Variants in SLC26A9 observed in about 807,000 individuals in gnomAD.
The protein encoded by SLC26A9 is solute carrier family 26 member 9.
SLC26A9 carries 46 observed loss-of-function variants against 87.1 expected under a neutral mutation model. The observed-to-expected ratio is 0.53, with a 90% CI of 0.42 to 0.67. SLC26A9 has a LOEUF of 0.67. Ranked by LOEUF, SLC26A9 falls within the 30% of genes least tolerant of loss-of-function variation. The probability of loss-of-function intolerance (pLI) is 0.00; values close to 1 mark genes in which losing one functional copy is unlikely to be tolerated. For missense variants in SLC26A9, 927 were observed against 1,018.3 expected, an observed-to-expected ratio of 0.91 and a Z score of 1.22; for synonymous variants, 437 against 409.1, an observed-to-expected ratio of 1.07 and a Z score of -0.82.
chr1:205,927,642 G>T, intron 9 of SLC26A9, 37 bp from the exon 10 acceptor site: 5 of 1,588,520 alleles, frequency 3.1e-6, no homozygotes, highest in East Asian at 4.5e-5. Context: ...CCAGTGTGGG[G>T]CTGGGGGGCA....
At position 205,927,517 on chromosome 1, in the gene SLC26A9, A is replaced by G. The variant is rs759699978; in HGVS notation, c.1190T>C (p.Val397Ala). ...CTGGGATTTTCCTCCAGCTCCATCCACAGCCAGAGTGACAGAAAGCGCACA... is the reference window on the plus strand; with the variant it reads ...CTGGGATTTTCCTCCAGCTCCATCCGCAGCCAGAGTGACAGAAAGCGCACA... ...ICCALSVTLAVDGAGGKSQVA... is the reference protein window; with the variant it reads ...ICCALSVTLAADGAGGKSQVA... The change falls in exon 10 of 21, where the codon GTG becomes GCG. Residue 397 changes from valine (V) to alanine (A), a missense_variant. Transcript: ENST00000367135. 3 of 1,614,104 alleles carry G rather than the reference A, an allele frequency of 1.9e-6. No homozygotes were observed. Among genetic ancestry groups the G allele is most frequent in the Non-Finnish European group, 2.5e-6 (3 of 1,179,998 alleles).
At chr1:205,921,525 G>A (rs757129628) in intron 17 of SLC26A9, 41 bp downstream of exon 17, 11 of 1,584,832 alleles carry the variant, frequency 6.9e-6, no homozygotes, top group Middle Eastern at 1.7e-4. Flanking sequence ...CAGAGCGGAG[G>A]GGGTGGAGTG....
intron 17 of SLC26A9, 39 bp downstream of exon 17, chr1:205,921,527 G>A (rs781239562): frequency 1.3e-6 from 2 of 1,586,278 alleles, no homozygotes; most frequent in Non-Finnish European, 1.7e-6. Context: ...GAGCGGAGGG[G>A]GTGGAGTGGG....
intron 20 of SLC26A9, 62 bp from the exon 21 acceptor site, chr1:205,915,466 A>T (rs1658550981): frequency 6.2e-7 from 1 of 1,610,690 alleles, no homozygotes; most frequent in Non-Finnish European, 8.5e-7. Context: ...TTGGGGTCAC[A>T]GTGGCTGCAA....
intron 19 of SLC26A9, among the ~76,000 whole-genome samples, chr1:205,918,546 A>C (rs973765504): frequency 7.2e-5 from 11 of 152,338 alleles, no homozygotes; most frequent in African/African-American, 2.6e-4. Context: ...GTGTTTGTGC[A>C]ACCAGAAAAC....
intron 9 of SLC26A9, 83 bp from the exon 10 acceptor site, chr1:205,927,688 T>A (rs1219576309): frequency 4.9e-6 from 7 of 1,437,150 alleles, no homozygotes; most frequent in African/African-American, 1.4e-5. Flanking sequence ...CAAGCTGGAC[T>A]GTGGGCCTAA....
intron 1 of SLC26A9, among the ~76,000 whole-genome samples, chr1:205,941,827 G>T (rs1217131636): frequency 1.3e-5 from 2 of 152,230 alleles, no homozygotes; most frequent in African/African-American, 4.8e-5. Flanking sequence ...GGCACTTGAG[G>T]TTAAATTCCT....
chr1:205,915,543 T>TG (rs1345412081), intron 20 of SLC26A9, 139 bp from the exon 21 acceptor site: 6 of 1,064,402 alleles, frequency 5.6e-6, no homozygotes, highest in Non-Finnish European at 2.7e-6. Flanking sequence ...TGTGTGTGTG[T>TG]GTGTGCGAGA....
In SLC26A9 at chr1:205,927,718, G is replaced by T. The variant is rs1659135160; in HGVS notation, c.1102-113C>A. 14 of 1,369,778 alleles carry T rather than the reference G, an allele frequency of 1.0e-5. No homozygotes were observed. The South Asian group carries it at 1.6e-4, about 16-fold the overall frequency. 84.9% of individuals were successfully genotyped at this position (1,369,778 alleles called of 1,614,324 possible). A position where few individuals can be genotyped will look rare whatever the true frequency, so the allele number is the denominator to read the frequency against. ...GCCTAAGACCTGAGAGTGACCCAGTGGCTATAAAGTCACACATTCCCAGTC... is the reference window on the plus strand; with the variant it reads ...GCCTAAGACCTGAGAGTGACCCAGTTGCTATAAAGTCACACATTCCCAGTC... On this transcript the variant is annotated intron_variant, in intron 9 of 20. Transcript: ENST00000367135.
chr1:205,935,073 C>T (rs1047061623), intron 2 of SLC26A9: 3 of 152,222 alleles, frequency 2.0e-5, no homozygotes, highest in South Asian at 2.1e-4. Flanking sequence ...GCCCCAGCCT[C>T]CTGGGGTGTG....
rs764995445 is a variant in SLC26A9 at position 205,920,225 on chromosome 1, G to A, written c.2061C>T (p.Ser687=). ...TCACGCCGATCTTCCCATAGGTGGA[G>A]CTCAGCTAGAAGTGTTGTTGGGGTA... ...LMGIKALAKL[S]STYGKIGVKV... The change falls in exon 18 of 21, where the codon AGC becomes AGT. Residue 687 remains serine (S), a synonymous_variant. Coordinates refer to ENST00000367135, the MANE Select transcript of SLC26A9 (RefSeq NM_052934.4). 6.2e-7 allele frequency: 1 copy of A among 1,613,924 alleles called. No individual in the cohort carries two copies. Among genetic ancestry groups the A allele is most frequent in the African/African-American group, 1.3e-5 (1 of 74,926 alleles).
In SLC26A9 at chr1:205,921,762, G is replaced by A; in HGVS notation, c.1859C>T (p.Thr620Ile). 6.2e-7 allele frequency: 1 copy of A among 1,600,334 alleles called. No individual in the cohort carries two copies. The highest frequency in any genetic ancestry group is 1.1e-5 in the South Asian group (1 of 88,904). Residue 620 changes from threonine to isoleucine, a missense_variant, in exon 17 of 21, where the codon ACC becomes ATC. By Grantham distance (89) the Thr-to-Ile change is moderately conservative (BLOSUM62 -1). Coordinates refer to ENST00000367135, the MANE Select transcript of SLC26A9 (RefSeq NM_052934.4). ...PNNNQTPANG[T>I]SVSYITFSPD... ...GCTGAAGGTGATATAGGACACGCTG[G>A]TGCCGTTAGCCGGGGTCTGGTTGTT...
intron 5 of SLC26A9, among the ~76,000 whole-genome samples, chr1:205,931,427 C>T (rs1659298298): frequency 6.9e-6 from 1 of 144,888 alleles, no homozygotes; most frequent in South Asian, 2.2e-4. Context: ...CACTTTAGCC[C>T]TGGGATGGGG....
At chr1:205,917,470 CA>C in intron 19 of SLC26A9, 116 bp from the exon 20 acceptor site, 1 of 955,112 alleles carries the variant, frequency 1.0e-6, no homozygotes, top group South Asian at 1.4e-5. Flanking sequence ...CTTCCTGACA[CA>C]TGACTTATCC....
intron 5 of SLC26A9, 94 bp downstream of exon 5, chr1:205,931,766 C>T (rs1659316324): frequency 6.8e-7 from 1 of 1,473,274 alleles, no homozygotes; most frequent in South Asian, 1.4e-5. Flanking sequence ...CACACCCAGC[C>T]CCCTAAATCA....
chr1:205,941,130 C>T (rs1364214921), intron 1 of SLC26A9, among the ~76,000 whole-genome samples: 1 of 152,066 alleles, frequency 6.6e-6, no homozygotes, highest in Non-Finnish European at 1.5e-5. Flanking sequence ...ATGTAGAGGC[C>T]TCTGCACCCC....
Position 205,923,093 on chromosome 1 carries a change from T to A in SLC26A9, c.1762A>T (p.Met588Leu). 1 of 1,614,086 alleles carries A rather than the reference T, an allele frequency of 6.2e-7. No individual in the cohort carries two copies. The highest frequency in any genetic ancestry group is 1.1e-5 in the South Asian group (1 of 91,070). ...TGGCCTTCATTCACCTTGGTTTTCA[T>A]GAATAGAGACCTCCTCTGTTGTGTG... ...RPTQQRRSLF[M>L]KTKTVSLQEL... Residue 588 changes from methionine to leucine, a missense_variant, in exon 16 of 21, where the codon ATG (methionine) becomes TTG (leucine). Physicochemically the swap from Met to Leu is conservative, Grantham distance 15 (BLOSUM62 2). Coordinates refer to ENST00000367135, the MANE Select transcript of SLC26A9 (RefSeq NM_052934.4).
At position 205,933,099 on chromosome 1, in the gene SLC26A9, G is replaced by A. The variant is rs1264422359; in HGVS notation, c.126-15C>T. The A allele has an allele frequency of 2.4e-5, 38 of 1,614,154 alleles. No individual in the cohort carries two copies. Among genetic ancestry groups the A allele is most frequent in the Non-Finnish European group, 3.0e-5 (35 of 1,179,988 alleles). On this transcript the variant is annotated splice_polypyrimidine_tract_variant and intron_variant, in intron 2 of 20. Transcript: ENST00000367135. Reference sequence around the variant, plus strand: ...CTGAGGAACATCTGGAAGGGAACGGGGAAAATTTCCAGTCGGCTCTGCATG... The same window carrying A: ...CTGAGGAACATCTGGAAGGGAACGGAGAAAATTTCCAGTCGGCTCTGCATG...
At chr1:205,922,584 G>A (rs908967060) in intron 16 of SLC26A9, among the ~76,000 whole-genome samples, 1 of 152,214 alleles carries the variant, frequency 6.6e-6, no homozygotes, top group African/African-American at 2.4e-5. Context: ...GCTTCCCTGG[G>A]AGATGGTAGC....
Sources: gnomAD v4.1 joint callset for allele counts (sites outside exome capture counted in the v4.1 genomes callset) on GRCh38, gnomAD v4.1.1 for gene constraint, MANE v1.5 for transcripts, NCBI Gene and HGNC (gene_info 2026-07-23, HGNC 2026-07-21) for gene names.